The following ARHGAP6 variants were observed in gnomAD, a reference collection of about 807,000 sequenced individuals.
ARHGAP6 encodes the protein Rho GTPase activating protein 6, also known as rho GTPase-activating protein 6.
Under a neutral mutation model 55.7 loss-of-function variants are expected in ARHGAP6, and 16 were observed. The observed-to-expected ratio is 0.29, with a 90% CI of 0.19 to 0.44. The LOEUF (loss-of-function observed/expected upper bound fraction) is 0.44, where lower values mean the gene tolerates loss of function less well. Ranked by LOEUF, ARHGAP6 falls within the 20% of genes least tolerant of loss-of-function variation. The probability of loss-of-function intolerance (pLI) is 1.00; values close to 1 mark genes in which losing one functional copy is unlikely to be tolerated. For synonymous variants in ARHGAP6, 382 were observed against 360.9 expected (o/e 1.06, Z -0.66); for missense variants, 698 against 808.9 (o/e 0.86, Z 1.66).
At chrX:11,513,591 G>A (rs895991408) in intron 1 of ARHGAP6, among the ~76,000 whole-genome samples, 3 of 111,171 alleles carry the variant, frequency 2.7e-5, no homozygotes, top group East Asian at 2.8e-4. Context: ...CACTGAATCC[G>A]TAATAGTTTT....
intron 1 of ARHGAP6, among the ~76,000 whole-genome samples, chrX:11,465,419 T>C: frequency 8.9e-6 from 1 of 112,634 alleles, no homozygotes; most frequent in East Asian, 2.8e-4. Flanking sequence ...TTTAAAATGT[T>C]CTGGTAGTCA....
intron 1 of ARHGAP6, among the ~76,000 whole-genome samples, chrX:11,307,236 C>T (rs1308159023): frequency 9.0e-6 from 1 of 110,959 alleles, no homozygotes; most frequent in Non-Finnish European, 1.9e-5. Flanking sequence ...ATACAGAAAG[C>T]CCATTTCAAG....
At chrX:11,534,475 A>G (rs1483733125) in intron 1 of ARHGAP6, among the ~76,000 whole-genome samples, 2 of 110,451 alleles carry the variant, frequency 1.8e-5, no homozygotes, top group Admixed American at 1.9e-4. Context: ...AGAATGTTTG[A>G]CCACATCCCT....
intron 1 of ARHGAP6, among the ~76,000 whole-genome samples, chrX:11,405,927 A>C (rs2049603658): frequency 1.8e-5 from 2 of 111,060 alleles, no homozygotes; most frequent in Admixed American, 9.6e-5. Context: ...ATTTTTTTTT[A>C]GATAGGATCT....
At chrX:11,157,817 G>A (rs1043727959) in intron 9 of ARHGAP6, among the ~76,000 whole-genome samples, 61 of 112,023 alleles carry the variant, frequency 5.4e-4, no homozygotes, top group African/African-American at 1.9e-3. Context: ...GAGAAAGCAA[G>A]GAAATGTGTT....
chrX:11,153,063 T>C (rs1486578400), intron 10 of ARHGAP6, among the ~76,000 whole-genome samples: 1 of 111,630 alleles, frequency 9.0e-6, no homozygotes, highest in East Asian at 2.8e-4. Context: ...AAAGCAAGAA[T>C]ATACTTTGAT....
chrX:11,641,502 G>A (rs186519072), intron 1 of ARHGAP6, among the ~76,000 whole-genome samples: 46 of 111,652 alleles, frequency 4.1e-4, no homozygotes, highest in African/African-American at 1.4e-3. Context: ...ATGCTAAACT[G>A]TCACTTTCAA....
intron 10 of ARHGAP6, among the ~76,000 whole-genome samples, chrX:11,149,209 A>G (rs1292105576): frequency 8.9e-6 from 1 of 111,975 alleles, no homozygotes; most frequent in Non-Finnish European, 1.9e-5. Context: ...TGTTGTTTTC[A>G]TTATTTACAG....
At chrX:11,391,142 C>T (rs747106270) in intron 1 of ARHGAP6, among the ~76,000 whole-genome samples, 3 of 111,523 alleles carry the variant, frequency 2.7e-5, no homozygotes, top group Non-Finnish European at 5.7e-5. Context: ...CCATGAAAAA[C>T]GATGAGTTCA....
intron 1 of ARHGAP6, among the ~76,000 whole-genome samples, chrX:11,640,729 G>A (rs2052465608): frequency 9.0e-6 from 1 of 111,154 alleles, no homozygotes; most frequent in African/African-American, 3.3e-5. Context: ...ACACCCAGAA[G>A]AGTCTCCAAT....
At chrX:11,516,826 C>T (rs780674861) in intron 1 of ARHGAP6, among the ~76,000 whole-genome samples, 1 of 111,769 alleles carries the variant, frequency 8.9e-6, no homozygotes, top group South Asian at 3.7e-4. Context: ...TGTGCTAACC[C>T]TGTCTTCTCC....
At chrX:11,472,533 G>C (rs182646812) in intron 1 of ARHGAP6, among the ~76,000 whole-genome samples, 13 of 111,408 alleles carry the variant, frequency 1.2e-4, no homozygotes, top group African/African-American at 4.2e-4. Context: ...AAGGAGCTTG[G>C]TGTGTTAAAG....
chrX:11,189,107 C>A, intron 3 of ARHGAP6, 123 bp from the exon 4 acceptor site: 2 of 855,732 alleles, frequency 2.3e-6, no homozygotes, highest in Non-Finnish European at 1.6e-6. Flanking sequence ...AGAATTGACT[C>A]ATCAATCAAA....
In ARHGAP6 at chrX:11,520,945, C is replaced by G. The variant is rs778301644; in HGVS notation, c.588+143296G>C. ...GAGCATTTTGTCATGTGTCTGTTGA[C>G]TGCATAAATGTCTTCTTTTGAGAAG... On this transcript the variant is annotated intron_variant, in intron 1 of 12. Transcript: ENST00000337414. Among the ~76,000 whole-genome samples the G allele has an allele frequency of 3.6e-5, 4 of 112,350 alleles. No individual in the cohort carries two copies. The South Asian group carries it at 1.5e-3, about 42-fold the overall frequency.
chrX:11,609,294 T>G (rs2052074586), intron 1 of ARHGAP6, among the ~76,000 whole-genome samples: 1 of 111,145 alleles, frequency 9.0e-6, no homozygotes, highest in Admixed American at 9.5e-5. Context: ...GAAAAAAAAG[T>G]CAAAAAGTAC....
At chrX:11,391,180 C>T (rs776783806) in intron 1 of ARHGAP6, among the ~76,000 whole-genome samples, 11 of 110,885 alleles carry the variant, frequency 9.9e-5, no homozygotes, top group Non-Finnish European at 1.7e-4. Context: ...TGGATGAAGC[C>T]GGAAACCATC....
chrX:11,552,743 T>A (rs1277841412), intron 1 of ARHGAP6, among the ~76,000 whole-genome samples: 1 of 105,642 alleles, frequency 9.5e-6, no homozygotes, highest in African/African-American at 3.5e-5. Flanking sequence ...AAATGCCATA[T>A]GATATCAATT....
At chrX:11,440,549 C>A (rs2050030069) in intron 1 of ARHGAP6, among the ~76,000 whole-genome samples, 1 of 111,730 alleles carries the variant, frequency 9.0e-6, no homozygotes, top group African/African-American at 3.3e-5. Flanking sequence ...CTCCCATTAG[C>A]CTCTCTGGAT....
chrX:11,463,756 C>T (rs939687874), intron 1 of ARHGAP6, among the ~76,000 whole-genome samples: 3 of 112,530 alleles, frequency 2.7e-5, no homozygotes, highest in Non-Finnish European at 5.6e-5. Context: ...CCTGTTCAGT[C>T]GGTGTCTGTC....
Sources: gnomAD v4.1 joint callset for allele counts (sites outside exome capture counted in the v4.1 genomes callset) on GRCh38, gnomAD v4.1.1 for gene constraint, MANE v1.5 for transcripts, NCBI Gene and HGNC (gene_info 2026-07-23, HGNC 2026-07-21) for gene names.